The following SH3PXD2A variants were observed in gnomAD, a reference collection of about 807,000 sequenced individuals.
SH3PXD2A encodes the protein SH3 and PX domain-containing protein 2A.
In SH3PXD2A, 32 loss-of-function variants were observed where a neutral mutation model predicts 115.2. The observed-to-expected ratio is 0.28, with a 90% CI of 0.21 to 0.37. The LOEUF is 0.37. SH3PXD2A is among the 10% of genes least tolerant of loss of function. SH3PXD2A has a pLI of 1.00. For synonymous variants in SH3PXD2A, 610 were observed against 629.1 expected (o/e 0.97, Z 0.45); for missense variants, 1,328 against 1,498.7 (o/e 0.89, Z 1.88).
chr10:103,798,463 G>A (rs1296247831), intron 2 of SH3PXD2A, among the ~76,000 whole-genome samples: 1 of 152,100 alleles, frequency 6.6e-6, no homozygotes, highest in Non-Finnish European at 1.5e-5. Flanking sequence ...GCACACCATC[G>A]CACCTCGCTA....
chr10:103,766,508 T>C (rs997053675), intron 3 of SH3PXD2A, among the ~76,000 whole-genome samples: 2 of 152,172 alleles, frequency 1.3e-5, no homozygotes, highest in Non-Finnish European at 2.9e-5. Context: ...GAGATGTGCA[T>C]ATGATAACAA....
At chr10:103,659,122 A>T (rs1352459260) in intron 8 of SH3PXD2A, among the ~76,000 whole-genome samples, 4 of 151,684 alleles carry the variant, frequency 2.6e-5, no homozygotes, top group African/African-American at 4.8e-5. Context: ...CAATCCTAGG[A>T]CTCCAGTGTC....
At chr10:103,684,435 T>C (rs1231626921) in intron 6 of SH3PXD2A, among the ~76,000 whole-genome samples, 1 of 151,910 alleles carries the variant, frequency 6.6e-6, no homozygotes, top group Non-Finnish European at 1.5e-5. Flanking sequence ...CTTGGCTCAC[T>C]GCAAACTCCG....
At chr10:103,850,627 C>T (rs1842887973) in intron 1 of SH3PXD2A, among the ~76,000 whole-genome samples, 2 of 152,318 alleles carry the variant, frequency 1.3e-5, no homozygotes, top group South Asian at 4.1e-4. Flanking sequence ...AAAGCCACCA[C>T]CAGATCCCAA....
At chr10:103,854,375 G>A (rs1197853557) in intron 1 of SH3PXD2A, among the ~76,000 whole-genome samples, 1 of 152,164 alleles carries the variant, frequency 6.6e-6, no homozygotes, top group African/African-American at 2.4e-5. Flanking sequence ...ACTTCCTAAG[G>A]TGTGAGGGAT....
chr10:103,717,510 C>T lies in SH3PXD2A; in HGVS notation c.398+6760G>A, dbSNP rs570049229. Among the ~76,000 whole-genome samples the T allele has an allele frequency of 1.6e-4, 25 of 152,190 alleles. No individual in the cohort carries two copies. In the South Asian group the frequency reaches 4.1e-3, roughly 25 times the overall value. On this transcript the variant is annotated intron_variant, in intron 5 of 14. Coordinates refer to ENST00000369774, the MANE Select transcript of SH3PXD2A (RefSeq NM_001394015.1). ...CCATGGGGCAGAGCATGGAGGCTGGCGACAAGCTAAGAAAAGAATGAGGGC... is the reference window on the plus strand; with the variant it reads ...CCATGGGGCAGAGCATGGAGGCTGGTGACAAGCTAAGAAAAGAATGAGGGC...
chr10:103,651,964 A>G (rs1446308861), intron 8 of SH3PXD2A, among the ~76,000 whole-genome samples: 3 of 152,244 alleles, frequency 2.0e-5, no homozygotes, highest in Non-Finnish European at 4.4e-5. Context: ...GGGATCTGCT[A>G]TCGCACACCA....
At chr10:103,732,136 C>T (rs1266965927) in intron 4 of SH3PXD2A, among the ~76,000 whole-genome samples, 1 of 152,214 alleles carries the variant, frequency 6.6e-6, no homozygotes, top group Non-Finnish European at 1.5e-5. Context: ...CTCAAACACT[C>T]TCTCACACTC....
At chr10:103,622,652 A>G in intron 9 of SH3PXD2A, 99 bp from the exon 10 acceptor site, 17 of 456,862 alleles carry the variant, frequency 3.7e-5, no homozygotes, top group East Asian at 1.0e-4. Context: ...GAAGGGGCAC[A>G]GGGAGGGGAG....
At position 103,613,022 on chromosome 10, in the gene SH3PXD2A, T is replaced by C; in HGVS notation, c.1089A>G (p.Pro363=). The change falls in exon 12 of 15, where the codon CCA becomes CCG. Residue 363 remains proline, a synonymous_variant. Transcript: ENST00000369774. Reference sequence around the variant, plus strand: ...GGGCCTCATGGCCCTCGCCTTCGGCTGGTGGAGTTTCCTTGTCCCCAGACG... The same window carrying C: ...GGGCCTCATGGCCCTCGCCTTCGGCCGGTGGAGTTTCCTTGTCCCCAGACG... ...KKASGDKETP[P]AEGEGHEAPI... 6.2e-7 allele frequency: 1 copy of C among 1,614,248 alleles called. No homozygotes were observed. The highest frequency in any genetic ancestry group is 8.5e-7 in the Non-Finnish European group (1 of 1,180,048).
intron 6 of SH3PXD2A, among the ~76,000 whole-genome samples, chr10:103,677,034 G>A (rs908525763): frequency 5.9e-5 from 9 of 152,154 alleles, no homozygotes; most frequent in Admixed American, 2.6e-4. Context: ...CTCCAGCCCC[G>A]AGTCTTGCAA....
chr10:103,855,372 C>T lies in SH3PXD2A; in HGVS notation c.-106G>A. 7 of 818,000 alleles carry T rather than the reference C, an allele frequency of 8.6e-6. No homozygotes were observed. Among genetic ancestry groups the T allele is most frequent in the Non-Finnish European group, 1.2e-5 (7 of 566,632 alleles). 50.7% of individuals were successfully genotyped at this position (818,000 alleles called of 1,614,324 possible). A position where few individuals can be genotyped will look rare whatever the true frequency, so the allele number is the denominator to read the frequency against. On this transcript the variant is annotated 5_prime_UTR_variant, in exon 1 of 15. Coordinates refer to ENST00000369774, the MANE Select transcript of SH3PXD2A (RefSeq NM_001394015.1). ...GGGGTCCCGGGGCCGCCCGCCACCC[C>T]GGCCCGGCGCGCCGAACGCTGCCCG... is the stretch of plus-strand genomic sequence containing the variant.
At position 103,735,763 on chromosome 10, in the gene SH3PXD2A, T is replaced by C. The variant is rs1286422479; in HGVS notation, c.275A>G (p.Lys92Arg). Residue 92 changes from lysine (K) to arginine (R), a missense_variant, in exon 4 of 15, where the codon AAG becomes AGG. Lys to Arg is a conservative substitution (Grantham distance 26, BLOSUM62 2). Around this residue, in one of 5 missense-constraint regions of SH3PXD2A, gnomAD observed 110 missense variants for 160.0 expected, o/e 0.69. Coordinates refer to ENST00000369774, the MANE Select transcript of SH3PXD2A (RefSeq NM_001394015.1). ...GTATTCATCGATGGGCTTCAGTCTC[T>C]TCACAGCTACGTCCCGGATGTGGCT... ...RRSHIRDVAV[K>R]RLKPIDEYCR... The C allele has an allele frequency of 9.3e-6, 15 of 1,609,656 alleles. No individual in the cohort carries two copies. The highest frequency in any genetic ancestry group is 1.2e-5 in the Non-Finnish European group (14 of 1,177,374).
chr10:103,683,632 A>G (rs2037639245), intron 6 of SH3PXD2A, among the ~76,000 whole-genome samples: 1 of 152,212 alleles, frequency 6.6e-6, no homozygotes, highest in South Asian at 2.1e-4. Flanking sequence ...ACTGCACTCC[A>G]GCCTGGGCCA....
chr10:103,656,403 G>C (rs982759753), intron 8 of SH3PXD2A, among the ~76,000 whole-genome samples: 1 of 152,216 alleles, frequency 6.6e-6, no homozygotes, highest in African/African-American at 2.4e-5. Context: ...TCAGTTGTCG[G>C]GAGAGATCTC....
intron 2 of SH3PXD2A, among the ~76,000 whole-genome samples, chr10:103,778,923 G>A (rs915647282): frequency 1.3e-5 from 2 of 152,208 alleles, no homozygotes; most frequent in Non-Finnish European, 2.9e-5. Flanking sequence ...AGAGCATGAG[G>A]CCAGGGCAGC....
Position 103,756,584 on chromosome 10 carries a change from G to A in SH3PXD2A, c.229+10510C>T, listed in dbSNP as rs55921327. Among the ~76,000 whole-genome samples the A allele has an allele frequency of 0.1, 15,910 of 152,096 alleles. 883 individuals are homozygous for A. The highest frequency in any genetic ancestry group is 0.14 in the South Asian group (690 of 4,808). On this transcript the variant is annotated intron_variant, in intron 3 of 14. Coordinates refer to ENST00000369774, the MANE Select transcript of SH3PXD2A (RefSeq NM_001394015.1). This position sits in a 1 kb window ranked among gnomAD's most constrained non-coding sequence, Gnocchi z 4.4. Reference sequence around the variant, plus strand: ...ACCTTTCATATGCTCCAAAGGCTTCGGCCACCTCAGGGAGGAGGGAGGAAG... The same window carrying A: ...ACCTTTCATATGCTCCAAAGGCTTCAGCCACCTCAGGGAGGAGGGAGGAAG...
intron 5 of SH3PXD2A, among the ~76,000 whole-genome samples, chr10:103,698,148 T>G (rs1184908405): frequency 6.6e-6 from 1 of 152,214 alleles, no homozygotes; most frequent in African/African-American, 2.4e-5. Flanking sequence ...ATTGCCATCC[T>G]GCCGTTCAGA....
chr10:103,805,145 C>T (rs2039189079), intron 1 of SH3PXD2A, among the ~76,000 whole-genome samples: 1 of 152,218 alleles, frequency 6.6e-6, no homozygotes, highest in Non-Finnish European at 1.5e-5. Context: ...ATCCTCCATC[C>T]CACTAGCAAT....
Sources: allele counts gnomAD v4.1 joint callset (sites outside exome capture counted in the v4.1 genomes callset), GRCh38; gene constraint gnomAD v4.1.1; regional missense constraint gnomAD v4.1.1; non-coding constraint Gnocchi (gnomAD v3.1); transcripts MANE v1.5; gene names NCBI Gene and HGNC (gene_info 2026-07-23, HGNC 2026-07-21).